FOCAD: variants seen among roughly 807,000 people sequenced by gnomAD.
The protein encoded by FOCAD is KIAA1797.
A neutral mutation model predicts 225.6 loss-of-function variants in FOCAD; 198 were observed. The ratio of observed to expected loss-of-function variants is 0.88; its 90% CI spans 0.78 to 0.99. The LOEUF (loss-of-function observed/expected upper bound fraction) is 0.99. Among genes scored for constraint, FOCAD ranks in the 50% least tolerant of loss-of-function variants. FOCAD has a pLI of 0.00. For synonymous variants in FOCAD, 897 were observed against 755.0 expected (o/e 1.19, Z -3.08); for missense variants, 2,713 against 2,123.6 (o/e 1.28, Z -5.46).
chr9:20,911,375 G>A (rs1049055523), intron 22 of FOCAD, among the ~76,000 whole-genome samples: 4 of 152,100 alleles, frequency 2.6e-5, no homozygotes, highest in East Asian at 1.9e-4. Flanking sequence ...TCTGTAGATC[G>A]ATAAATAGTC....
chr9:20,899,100 C>G (rs1832349624), intron 21 of FOCAD, among the ~76,000 whole-genome samples: 2 of 151,852 alleles, frequency 1.3e-5, no homozygotes, highest in Admixed American at 1.3e-4. Context: ...TGATAAAACT[C>G]TTATTAGGTT....
chr9:20,879,946 G>C (rs1425061901), intron 19 of FOCAD, among the ~76,000 whole-genome samples: 1 of 152,158 alleles, frequency 6.6e-6, no homozygotes. Flanking sequence ...ATCCTTCTGA[G>C]AAAGGAAGAA....
At position 20,750,513 on chromosome 9, in the gene FOCAD, G is replaced by A. The variant is rs527250211; in HGVS notation, c.393-7577G>A. Among the ~76,000 whole-genome samples the A allele has an allele frequency of 3.3e-5, 5 of 152,250 alleles. No homozygotes were observed. In the South Asian group the frequency reaches 1.0e-3, roughly 32 times the overall value. ...ACAACAAATTGGATCATCTATTGCA[G>A]AAAAACAACAACAAAAAATGCACAC... On this transcript the variant is annotated intron_variant, in intron 5 of 43. Transcript: ENST00000338382.
chr9:20,769,588 C>G (rs972984075), intron 7 of FOCAD, among the ~76,000 whole-genome samples: 1 of 152,206 alleles, frequency 6.6e-6, no homozygotes, highest in African/African-American at 2.4e-5. Context: ...GCTGCCTGAG[C>G]AAGTATCTTG....
chr9:20,763,937 C>G (rs1829836047), intron 6 of FOCAD, among the ~76,000 whole-genome samples: 1 of 152,120 alleles, frequency 6.6e-6, no homozygotes, highest in South Asian at 2.1e-4. Flanking sequence ...GTGGGAAGTG[C>G]TTAAGAAGAC....
At chr9:20,906,617 A>G (rs1224077758) in intron 21 of FOCAD, among the ~76,000 whole-genome samples, 2 of 151,958 alleles carry the variant, frequency 1.3e-5, no homozygotes, top group Admixed American at 6.6e-5. Context: ...ATTAAAGGCC[A>G]TTTATCTAGT....
intron 19 of FOCAD, among the ~76,000 whole-genome samples, chr9:20,880,494 A>G (rs80210916): frequency 0.016 from 2,435 of 152,290 alleles, 27 homozygotes; most frequent in Non-Finnish European, 0.025. Context: ...ACCAGAAGCC[A>G]GAGGACATGG....
At chr9:20,743,941 A>T (rs1158809183) in intron 5 of FOCAD, among the ~76,000 whole-genome samples, 1 of 152,238 alleles carries the variant, frequency 6.6e-6, no homozygotes, top group East Asian at 1.9e-4. Context: ...GTATCTTCCT[A>T]AGTACCAAGG....
At chr9:20,659,118 G>A (rs1176735381) in intron 2 of FOCAD, among the ~76,000 whole-genome samples, 2 of 152,164 alleles carry the variant, frequency 1.3e-5, no homozygotes, top group African/African-American at 4.8e-5. Context: ...TACTTGGCAG[G>A]CTGAGGAAGG....
At chr9:20,725,457 GC>G (rs1424313617) in intron 4 of FOCAD, among the ~76,000 whole-genome samples, 1 of 152,188 alleles carries the variant, frequency 6.6e-6, no homozygotes, top group African/African-American at 2.4e-5. Context: ...GATAGAAAAA[GC>G]CAATAGTGAG....
At chr9:20,849,564 G>T (rs1827448984) in intron 15 of FOCAD, among the ~76,000 whole-genome samples, 1 of 151,572 alleles carries the variant, frequency 6.6e-6, no homozygotes, top group African/African-American at 2.4e-5. Context: ...ATTTGCTTAG[G>T]ACAGCTTTGG....
chr9:20,773,267 G>C (rs556910578), intron 8 of FOCAD, among the ~76,000 whole-genome samples: 1 of 152,182 alleles, frequency 6.6e-6, no homozygotes, highest in Admixed American at 6.5e-5. Context: ...ATGGCAATTA[G>C]TTGAAAGCAG....
chr9:20,933,452 GT>G (rs1317427299), intron 28 of FOCAD, among the ~76,000 whole-genome samples: 1 of 152,100 alleles, frequency 6.6e-6, no homozygotes, highest in Admixed American at 6.6e-5. Context: ...ATGACGTTTG[GT>G]TTTTCCATTC....
chr9:20,777,869 G>A (rs962208180), intron 8 of FOCAD, among the ~76,000 whole-genome samples: 2 of 151,936 alleles, frequency 1.3e-5, no homozygotes, highest in Non-Finnish European at 2.9e-5. Flanking sequence ...TTGGGAGGCC[G>A]AGGCGGGCGG....
At chr9:20,963,528 TACTC>T (rs199604405) in intron 35 of FOCAD, among the ~76,000 whole-genome samples, 2,635 of 152,300 alleles carry the variant, frequency 0.017, 32 homozygotes, top group Non-Finnish European at 0.024. Flanking sequence ...ATTTTGAAAA[TACTC>T]AATCTCTGAG....
At chr9:20,874,461 G>C (rs1352571522) in intron 18 of FOCAD, 2 of 471,976 alleles carry the variant, frequency 4.2e-6, no homozygotes, top group African/African-American at 2.0e-5. Flanking sequence ...TTTTTATACA[G>C]ATCTGAGATT....
intron 5 of FOCAD, among the ~76,000 whole-genome samples, chr9:20,751,157 T>C (rs1248705614): frequency 6.6e-6 from 1 of 151,420 alleles, no homozygotes; most frequent in Non-Finnish European, 1.5e-5. Flanking sequence ...CACTTCCATT[T>C]TTTTTTTTAA....
chr9:20,702,626 A>G (rs1203336804), intron 1 of FOCAD, among the ~76,000 whole-genome samples: 5 of 152,194 alleles, frequency 3.3e-5, no homozygotes, highest in African/African-American at 1.2e-4. Flanking sequence ...ATCGAGTGAG[A>G]GAATACGTAT....
intron 21 of FOCAD, among the ~76,000 whole-genome samples, chr9:20,903,048 G>A (rs1194237616): frequency 2.0e-5 from 3 of 151,552 alleles, no homozygotes; most frequent in Non-Finnish European, 4.4e-5. Context: ...ATGAATTTTG[G>A]CAAGTGCACA....
Sources: gnomAD v4.1 joint callset for allele counts (sites outside exome capture counted in the v4.1 genomes callset) on GRCh38, gnomAD v4.1.1 for gene constraint, MANE v1.5 for transcripts, NCBI Gene and HGNC (gene_info 2026-07-23, HGNC 2026-07-21) for gene names.